The following TAF15 variants were observed in gnomAD, a reference collection of about 807,000 sequenced individuals.
TAF15 encodes TATA-box binding protein associated factor 15.
TAF15 carries 37 observed loss-of-function variants against 102.5 expected under a neutral mutation model. The observed-to-expected ratio is 0.36, with a 90% confidence interval of 0.28 to 0.47. The LOEUF is 0.47. TAF15 is among the 20% of genes least tolerant of loss of function. The pLI is 0.99. For synonymous variants in TAF15, 273 were observed against 259.2 expected (o/e 1.05, Z -0.51); for missense variants, 652 against 760.7 (o/e 0.86, Z 1.68).
chr17:35,844,611 A>G lies in TAF15; in HGVS notation c.1312A>G (p.Ser438Gly), dbSNP rs758920002. 1.1e-5 allele frequency: 17 copies of G among 1,510,990 alleles called. No individual in the cohort carries two copies. The Admixed American group carries it at 2.8e-4, about 25-fold the overall frequency. The allele number at this position is 1,510,990 out of a possible 1,614,324, so 93.6% of individuals were successfully genotyped here. A position where few individuals can be genotyped will look rare whatever the true frequency, so the allele number is the denominator to read the frequency against. ...GGDRSSGGGY[S>G]GDRSGGGYGG... The stretch of plus-strand genomic sequence containing the variant: ...AGACAGAAGCAGCGGTGGTGGCTAC[A>G]GCGGAGATAGAAGTGGGGGCGGCTA... Residue 438 changes from serine to glycine, a missense_variant, in exon 15 of 16, where the codon AGC (serine) becomes GGC (glycine). By Grantham distance (56) the Ser-to-Gly change is moderately conservative (BLOSUM62 0). Transcript: ENST00000605844.
At chr17:35,825,523 G>A (rs1446596929) in intron 7 of TAF15, among the ~76,000 whole-genome samples, 1 of 148,286 alleles carries the variant, frequency 6.7e-6, no homozygotes, top group African/African-American at 2.5e-5. Context: ...AATGCTATAT[G>A]TTTTATAGTA....
At position 35,831,380 on chromosome 17, in the gene TAF15, C is replaced by G. The variant is rs545214005; in HGVS notation, c.606-2527C>G. Among the ~76,000 whole-genome samples, 7 of 149,342 alleles carry G rather than the reference C, an allele frequency of 4.7e-5. No individual in the cohort carries two copies. In the South Asian group the frequency reaches 1.5e-3, roughly 32 times the overall value. ...CGAGATCGCGCCACTGCACTCCAGC[C>G]TGGGCGACAGAGCAAGACTCCGTCG... is the stretch of plus-strand genomic sequence containing the variant. On this transcript the variant is annotated intron_variant, in intron 7 of 15. Coordinates refer to ENST00000605844, the MANE Select transcript of TAF15 (RefSeq NM_139215.3).
intron 9 of TAF15, among the ~76,000 whole-genome samples, chr17:35,835,036 G>A (rs917923424): frequency 2.0e-5 from 3 of 151,898 alleles, no homozygotes; most frequent in East Asian, 1.9e-4. Context: ...GAGCCACCAC[G>A]CCCGGCTGGG....
At chr17:35,811,395 G>A (rs935929105) in intron 1 of TAF15, 13 of 152,134 alleles carry the variant, frequency 8.5e-5, no homozygotes, top group Admixed American at 8.5e-4. Flanking sequence ...TGTGAAAAGG[G>A]CTACTTACTA....
chr17:35,824,022 T>C lies in TAF15; in HGVS notation c.485-56T>C, dbSNP rs1385812320. ...CCTAAAGAGCCATTTAACATTGTTA[T>C]TTGAAGCTTTAGAAATGAGAGTGGT... On this transcript the variant is annotated intron_variant, in intron 6 of 15. Coordinates refer to ENST00000605844, the MANE Select transcript of TAF15 (RefSeq NM_139215.3). 6 of 1,612,540 alleles carry C rather than the reference T, an allele frequency of 3.7e-6. No homozygotes were observed. The South Asian group carries it at 5.5e-5, about 15-fold the overall frequency.
intron 1 of TAF15, among the ~76,000 whole-genome samples, chr17:35,814,989 C>T (rs2087178758): frequency 5.3e-5 from 8 of 151,970 alleles, no homozygotes; most frequent in Middle Eastern, 3.4e-3. Flanking sequence ...ATCAGGCAAA[C>T]AGTAAGAATA....
intron 2 of TAF15, 39 bp downstream of exon 2, chr17:35,817,794 A>G: frequency 6.3e-7 from 1 of 1,577,612 alleles, no homozygotes; most frequent in African/African-American, 1.3e-5. Flanking sequence ...GAAAGGGTAG[A>G]ACTGAGGTGA....
At position 35,835,172 on chromosome 17, in the gene TAF15, G is replaced by T. The variant is rs147316549; in HGVS notation, c.673+574G>T. ...GTGAAGAAATACTTGAATTTTTACT[G>T]CTAGTTAGCATTAATTATTTAAAAT... On this transcript the variant is annotated intron_variant, in intron 9 of 15. Transcript: ENST00000605844. Among the ~76,000 whole-genome samples, 30 of 152,260 alleles carry T rather than the reference G, an allele frequency of 2.0e-4. No homozygotes were observed. In the East Asian group the frequency reaches 5.8e-3, roughly 29 times the overall value.
chr17:35,812,833 T>A (rs1179743663), intron 1 of TAF15, among the ~76,000 whole-genome samples: 2 of 151,858 alleles, frequency 1.3e-5, no homozygotes, highest in Non-Finnish European at 2.9e-5. Flanking sequence ...GAATCAACCC[T>A]AAGATCAAGG....
At chr17:35,824,263 T>TA in intron 7 of TAF15, 65 bp downstream of exon 7, 1 of 1,586,726 alleles carries the variant, frequency 6.3e-7, no homozygotes, top group Non-Finnish European at 8.6e-7. Context: ...TTTAAGGTGT[T>TA]ACTTGGCTGG....
At chr17:35,838,186 A>T (rs199520993) in intron 10 of TAF15, among the ~76,000 whole-genome samples, 5 of 152,146 alleles carry the variant, frequency 3.3e-5, no homozygotes, top group African/African-American at 7.2e-5. Context: ...TGTCTCAATT[A>T]AAAAAAATTA....
intron 11 of TAF15, among the ~76,000 whole-genome samples, chr17:35,839,475 G>T (rs1273830882): frequency 7.2e-6 from 1 of 138,336 alleles, no homozygotes; most frequent in Admixed American, 8.1e-5. Context: ...TCCGCCTCCC[G>T]GGTTCACACC....
chr17:35,845,582 G>A (rs555130836), intron 15 of TAF15, among the ~76,000 whole-genome samples: 17 of 151,822 alleles, frequency 1.1e-4, no homozygotes, highest in African/African-American at 2.9e-4. Flanking sequence ...GCGCAGTCTC[G>A]GCTCACTGCA....
chr17:35,838,283 C>T, intron 10 of TAF15, 141 bp from the exon 11 acceptor site: 3 of 1,062,802 alleles, frequency 2.8e-6, no homozygotes, highest in Middle Eastern at 3.1e-4. Context: ...TCTAAACCTA[C>T]AGGTAACTTA....
intron 10 of TAF15, among the ~76,000 whole-genome samples, chr17:35,837,026 G>A (rs1323780896): frequency 6.6e-6 from 1 of 151,784 alleles, no homozygotes; most frequent in Non-Finnish European, 1.5e-5. Context: ...CGCCCACCTC[G>A]GCCTCCCAAA....
At chr17:35,834,032 T>A in intron 8 of TAF15, 91 bp downstream of exon 8, 2 of 1,381,188 alleles carry the variant, frequency 1.4e-6, no homozygotes, top group Non-Finnish European at 2.0e-6. Flanking sequence ...AAAAGTCCTT[T>A]CTTACTCTGT....
chr17:35,816,721 G>A (rs957319057), intron 1 of TAF15: 2 of 149,146 alleles, frequency 1.3e-5, no homozygotes, highest in Non-Finnish European at 3.0e-5. Context: ...AACCTCTTCA[G>A]TAATTTTTGA....
At chr17:35,815,712 C>T (rs547466413) in intron 1 of TAF15, among the ~76,000 whole-genome samples, 14 of 152,136 alleles carry the variant, frequency 9.2e-5, no homozygotes, top group Non-Finnish European at 1.8e-4. Context: ...TTGTTTTCCC[C>T]CTCATAACCC....
intron 7 of TAF15, among the ~76,000 whole-genome samples, chr17:35,826,680 C>T (rs2087332825): frequency 6.6e-6 from 1 of 151,004 alleles, no homozygotes; most frequent in South Asian, 2.1e-4. Context: ...GCCTCAGCCT[C>T]CTGAGTAGCT....
Sources: allele counts gnomAD v4.1 joint callset (sites outside exome capture counted in the v4.1 genomes callset), GRCh38; gene constraint gnomAD v4.1.1; transcripts MANE v1.5; gene names NCBI Gene and HGNC (gene_info 2026-07-23, HGNC 2026-07-21).